ANKS1B: variants seen among roughly 807,000 people sequenced by gnomAD.
ANKS1B encodes ankyrin repeat and sterile alpha motif domain-containing protein 1B.
ANKS1B carries 36 observed loss-of-function variants against 148.3 expected under a neutral mutation model. The observed-to-expected ratio is 0.24, with a 90% CI of 0.19 to 0.32. The LOEUF (loss-of-function observed/expected upper bound fraction) is 0.32. ANKS1B is among the 10% of genes least tolerant of loss of function. ANKS1B has a pLI of 1.00. For synonymous variants in ANKS1B, 542 were observed against 560.8 expected (o/e 0.97, Z 0.47); for missense variants, 1,157 against 1,542.6 (o/e 0.75, Z 4.19).
At chr12:99,649,498 G>GT in intron 9 of ANKS1B, 1 of 907,656 alleles carries the variant, frequency 1.1e-6, no homozygotes, top group Non-Finnish European at 1.8e-6. Flanking sequence ...AGCAACAGCA[G>GT]TAGTGATGAC....
intron 17 of ANKS1B, among the ~76,000 whole-genome samples, chr12:98,994,128 G>A (rs1024162355): frequency 5.9e-5 from 9 of 152,092 alleles, no homozygotes; most frequent in African/African-American, 1.7e-4. Context: ...AGCGTCGTAT[G>A]ATACAAGCAG....
intron 8 of ANKS1B, among the ~76,000 whole-genome samples, chr12:99,666,491 T>G (rs922222117): frequency 1.3e-5 from 2 of 152,216 alleles, no homozygotes; most frequent in Non-Finnish European, 2.9e-5. Context: ...GTCTTCAGTG[T>G]ACAGGTCTTG....
intron 8 of ANKS1B, among the ~76,000 whole-genome samples, chr12:99,741,786 T>C (rs1045192323): frequency 6.6e-6 from 1 of 151,860 alleles, no homozygotes; most frequent in Non-Finnish European, 1.5e-5. Context: ...GAGAAATACC[T>C]AATGTAGATG....
At chr12:99,683,586 C>T (rs1362855030) in intron 8 of ANKS1B, among the ~76,000 whole-genome samples, 3 of 152,044 alleles carry the variant, frequency 2.0e-5, no homozygotes, top group South Asian at 2.1e-4. Flanking sequence ...TAACATTATT[C>T]CAAAAGATAA....
intron 10 of ANKS1B, among the ~76,000 whole-genome samples, chr12:99,456,267 C>T (rs563355740): frequency 6.6e-6 from 1 of 152,264 alleles, no homozygotes; most frequent in Admixed American, 6.5e-5. Context: ...AGAATCTTAA[C>T]AGAAGCCCTT....
rs1441486862 is a variant in ANKS1B, at chr12:99,632,767, A to ATATATATTTTTT, written c.1272+22299_1272+22300insAAAAAATATATA. On this transcript the variant is annotated intron_variant, in intron 9 of 26. Transcript: ENST00000683438. ...TATATATATATATATATATATATATATTTTAATTATACTTTAAGTTCTAGG... is the reference window on the plus strand; with the variant it reads ...TATATATATATATATATATATATATATATATATTTTTTTTTTAATTATACTTTAAGTTCTAGG... 1.5e-4 allele frequency among the ~76,000 whole-genome samples: 11 copies of ATATATATTTTTT among 71,312 alleles called. No homozygotes were observed. In the East Asian group the frequency reaches 2.0e-3, roughly 13 times the overall value. The allele number at this position is 71,312 out of a possible 152,430, so 46.8% of individuals were successfully genotyped here. A position where few individuals can be genotyped will look rare whatever the true frequency, so the allele number is the denominator to read the frequency against.
At chr12:99,327,202 A>C (rs2086532691) in intron 12 of ANKS1B, among the ~76,000 whole-genome samples, 1 of 112,510 alleles carries the variant, frequency 8.9e-6, no homozygotes, top group South Asian at 2.4e-4. Context: ...TATATAATAT[A>C]TTATCTATTA....
intron 16 of ANKS1B, among the ~76,000 whole-genome samples, chr12:99,069,419 A>G (rs2045586947): frequency 1.3e-5 from 2 of 152,218 alleles, no homozygotes; most frequent in Admixed American, 1.3e-4. Context: ...TTCTTATGAT[A>G]CATTTACCTC....
intron 25 of ANKS1B, among the ~76,000 whole-genome samples, chr12:98,756,727 CTTTTT>C (rs1197713336): frequency 7.8e-6 from 1 of 127,436 alleles, no homozygotes. Context: ...CTCCATCTAT[CTTTTT>C]TTTTTTTTTT....
At chr12:99,410,577 G>C (rs1259114393) in intron 11 of ANKS1B, among the ~76,000 whole-genome samples, 1 of 152,212 alleles carries the variant, frequency 6.6e-6, no homozygotes, top group Non-Finnish European at 1.5e-5. Flanking sequence ...GCTGAGGCAG[G>C]AGAATGGCGT....
At chr12:99,983,528 T>C (rs1257442122) in intron 1 of ANKS1B, among the ~76,000 whole-genome samples, 1 of 152,188 alleles carries the variant, frequency 6.6e-6, no homozygotes, top group Non-Finnish European at 1.5e-5. Context: ...ACTGAAAGTA[T>C]TGCTGGGGCT....
chr12:99,910,358 A>G (rs2093960259), intron 1 of ANKS1B, among the ~76,000 whole-genome samples: 2 of 149,242 alleles, frequency 1.3e-5, no homozygotes, highest in South Asian at 4.2e-4. Flanking sequence ...CCATCTCAAA[A>G]AAAAAAAAAA....
At chr12:99,381,254 G>A (rs1262531829) in intron 12 of ANKS1B, among the ~76,000 whole-genome samples, 5 of 152,156 alleles carry the variant, frequency 3.3e-5, no homozygotes, top group Non-Finnish European at 7.3e-5. Flanking sequence ...ATACAGACAT[G>A]TTCACTTTGA....
rs771261031 is a variant in ANKS1B, at chr12:99,246,563, A to G, written c.2058T>C (p.Ile686=). ...CACTCCTGGTTGATCTTGTGCCAAC[A>G]ATGGTATGGTTTTCGAGTTGGTTGC... is the stretch of plus-strand genomic sequence containing the variant. The part of the protein sequence containing the change: ...KKSNQLENHT[I]VGTRSTRSGS... The change falls in exon 13 of 27, where the codon ATT becomes ATC. Residue 686 remains isoleucine (I), a synonymous_variant. Transcript: ENST00000683438. 13 of 1,613,834 alleles carry G rather than the reference A, an allele frequency of 8.1e-6. No individual in the cohort carries two copies. Among genetic ancestry groups the G allele is most frequent in the Admixed American group, 6.7e-5 (4 of 59,968 alleles).
chr12:98,734,819 G>T, exon 10 of ANKS1B: 1 of 197,042 alleles, frequency 5.1e-6, no homozygotes. Flanking sequence ...AATTTTATTT[G>T]TACACACTGT....
At chr12:99,434,605 CAT>C (rs1175550304) in intron 11 of ANKS1B, among the ~76,000 whole-genome samples, 1 of 152,084 alleles carries the variant, frequency 6.6e-6, no homozygotes, top group Non-Finnish European at 1.5e-5. Context: ...CTTAGCCACT[CAT>C]GTGATTTGAA....
intron 1 of ANKS1B, among the ~76,000 whole-genome samples, chr12:99,849,412 T>G (rs1840977083): frequency 6.6e-6 from 1 of 152,094 alleles, no homozygotes; most frequent in South Asian, 2.1e-4. Context: ...CAAATGTTGC[T>G]GGGGATATGA....
At chr12:98,817,021 T>TAGA (rs2099147205) in intron 19 of ANKS1B, among the ~76,000 whole-genome samples, 1 of 152,198 alleles carries the variant, frequency 6.6e-6, no homozygotes, top group South Asian at 2.1e-4. Context: ...AAAAGACTTT[T>TAGA]TCTCTGTTTC....
chr12:99,401,815 C>T (rs1049321138), intron 11 of ANKS1B, among the ~76,000 whole-genome samples: 1 of 146,644 alleles, frequency 6.8e-6, no homozygotes, highest in Non-Finnish European at 1.5e-5. Context: ...AAATTAGAAG[C>T]ATTATACTTA....
Sources: allele counts gnomAD v4.1 joint callset (sites outside exome capture counted in the v4.1 genomes callset), GRCh38; gene constraint gnomAD v4.1.1; transcripts MANE v1.5; gene names NCBI Gene and HGNC (gene_info 2026-07-23, HGNC 2026-07-21).